The following CDH13 variants were observed in gnomAD, a reference collection of about 807,000 sequenced individuals.
The protein encoded by CDH13 is cadherin 13.
CDH13 carries 24 observed loss-of-function variants against 63.8 expected under a neutral mutation model. That is an observed-to-expected ratio of 0.38 (90% CI 0.27 to 0.53). The LOEUF (loss-of-function observed/expected upper bound fraction) is 0.53. CDH13 is among the 20% of genes least tolerant of loss of function. The probability of loss-of-function intolerance (pLI) is 0.85; values close to 1 mark genes in which losing one functional copy is unlikely to be tolerated. For synonymous variants in CDH13, 503 were observed against 355.3 expected, an observed-to-expected ratio of 1.42 and a Z score of -4.67; for missense variants, 1,049 against 903.1, an observed-to-expected ratio of 1.16 and a Z score of -2.07.
At chr16:83,229,099 G>C (rs555509654) in intron 5 of CDH13, among the ~76,000 whole-genome samples, 31 of 152,310 alleles carry the variant, frequency 2.0e-4, no homozygotes, top group Non-Finnish European at 4.0e-4. Flanking sequence ...GGCAGGATAA[G>C]GTGCTTGGAT....
intron 5 of CDH13, among the ~76,000 whole-genome samples, chr16:83,344,323 A>G (rs2090790898): frequency 6.6e-6 from 1 of 152,180 alleles, no homozygotes; most frequent in Non-Finnish European, 1.5e-5. Flanking sequence ...GAAATTGTAA[A>G]CAGCCTGGTG....
intron 3 of CDH13, among the ~76,000 whole-genome samples, chr16:83,094,425 C>T (rs563347734): frequency 1.3e-5 from 2 of 152,304 alleles, no homozygotes; most frequent in South Asian, 4.2e-4. Context: ...CAACAGAGAT[C>T]TCAACTGACC....
At chr16:82,786,783 C>G (rs1212765978) in intron 1 of CDH13, among the ~76,000 whole-genome samples, 3 of 151,870 alleles carry the variant, frequency 2.0e-5, no homozygotes, top group East Asian at 1.9e-4. Flanking sequence ...CAATCGTTTG[C>G]TCAGAATGAT....
chr16:82,717,910 A>G (rs2032496960), intron 1 of CDH13, among the ~76,000 whole-genome samples: 1 of 152,212 alleles, frequency 6.6e-6, no homozygotes, highest in Non-Finnish European at 1.5e-5. Context: ...ATGTGTCATC[A>G]CAAACCAAGA....
chr16:83,311,186 A>G (rs946877517), intron 5 of CDH13, among the ~76,000 whole-genome samples: 3 of 152,246 alleles, frequency 2.0e-5, no homozygotes, highest in Non-Finnish European at 4.4e-5. Context: ...ATGAATCAGT[A>G]GAGCTTAAAA....
intron 1 of CDH13, among the ~76,000 whole-genome samples, chr16:82,770,742 C>T (rs1202258808): frequency 3.3e-5 from 5 of 152,180 alleles, no homozygotes; most frequent in Non-Finnish European, 7.3e-5. Flanking sequence ...GAGTCTCAGT[C>T]TGTTGCCCAA....
At chr16:83,069,154 G>C (rs896274003) in intron 3 of CDH13, among the ~76,000 whole-genome samples, 1 of 152,074 alleles carries the variant, frequency 6.6e-6, no homozygotes, top group African/African-American at 2.4e-5. Context: ...TTATTTGTTT[G>C]CATCTTGAAT....
chr16:83,142,230 A>G (rs1044790680), intron 4 of CDH13, among the ~76,000 whole-genome samples: 4 of 142,006 alleles, frequency 2.8e-5, no homozygotes, highest in Admixed American at 7.8e-5. Flanking sequence ...GTGTAATCTC[A>G]GCTCACCACA....
intron 5 of CDH13, among the ~76,000 whole-genome samples, chr16:83,249,182 G>A (rs531339156): frequency 2.6e-5 from 4 of 152,300 alleles, no homozygotes; most frequent in South Asian, 2.1e-4. Context: ...GTCACACAGA[G>A]CCTGTTTCTC....
intron 5 of CDH13, among the ~76,000 whole-genome samples, chr16:83,249,741 G>C (rs1294775867): frequency 6.6e-6 from 1 of 152,150 alleles, no homozygotes. Flanking sequence ...CAATGCTACT[G>C]GTAACTGTGA....
intron 1 of CDH13, among the ~76,000 whole-genome samples, chr16:82,761,663 T>G (rs1255516763): frequency 6.6e-6 from 1 of 152,234 alleles, no homozygotes; most frequent in East Asian, 1.9e-4. Flanking sequence ...TTCCAAAAAA[T>G]ATTTTTCACT....
chr16:83,714,354 T>C (rs1272570214), intron 10 of CDH13, among the ~76,000 whole-genome samples: 2 of 152,204 alleles, frequency 1.3e-5, no homozygotes, highest in Admixed American at 1.3e-4. Context: ...CTCTCGGTCA[T>C]AGATAGCTGG....
intron 4 of CDH13, among the ~76,000 whole-genome samples, chr16:83,204,752 T>G (rs937376563): frequency 1.3e-5 from 2 of 152,202 alleles, no homozygotes; most frequent in African/African-American, 4.8e-5. Context: ...TTGATTAAGC[T>G]CCATGCCCTC....
At position 83,185,710 on chromosome 16, in the gene CDH13, C is replaced by T. The variant is rs188448126; in HGVS notation, c.484-31635C>T. Among the ~76,000 whole-genome samples the T allele has an allele frequency of 1.9e-4, 29 of 152,280 alleles. No individual in the cohort carries two copies. The East Asian group carries it at 2.5e-3, about 13-fold the overall frequency. ...GGAAATGTTCTGCAGGTTATCATAACGAGAACAGGAGTGATCTATGGAATA... is the reference window on the plus strand; with the variant it reads ...GGAAATGTTCTGCAGGTTATCATAATGAGAACAGGAGTGATCTATGGAATA... On this transcript the variant is annotated intron_variant, in intron 4 of 13. Transcript: ENST00000567109.
At chr16:83,370,369 C>T (rs1276773301) in intron 6 of CDH13, among the ~76,000 whole-genome samples, 1 of 144,832 alleles carries the variant, frequency 6.9e-6, no homozygotes, top group Non-Finnish European at 1.5e-5. Context: ...GCCTGGGTAA[C>T]ACAGCGAGAC....
chr16:83,181,041 A>C, intron 4 of CDH13: 1 of 1,495,358 alleles, frequency 6.7e-7, no homozygotes, highest in Non-Finnish European at 8.9e-7. Flanking sequence ...CGGTATTTCA[A>C]ATCCATTTTC....
chr16:82,810,391 GA>G (rs1308180615), intron 1 of CDH13, among the ~76,000 whole-genome samples: 1 of 152,126 alleles, frequency 6.6e-6, no homozygotes, highest in African/African-American at 2.4e-5. Context: ...ACAGCTACCA[GA>G]AAAGCACTGG....
chr16:82,977,082 T>C (rs548024688), intron 2 of CDH13, among the ~76,000 whole-genome samples: 1 of 152,304 alleles, frequency 6.6e-6, no homozygotes, highest in South Asian at 2.1e-4. Flanking sequence ...TAAATATACC[T>C]CTGGAATACA....
intron 6 of CDH13, among the ~76,000 whole-genome samples, chr16:83,419,180 A>G (rs1219605203): frequency 1.3e-5 from 2 of 152,154 alleles, no homozygotes; most frequent in East Asian, 1.9e-4. Context: ...GACCAGCTCC[A>G]TCCCTATCGT....
Sources: gnomAD v4.1 joint callset for allele counts (sites outside exome capture counted in the v4.1 genomes callset) on GRCh38, gnomAD v4.1.1 for gene constraint, MANE v1.5 for transcripts, NCBI Gene and HGNC (gene_info 2026-07-23, HGNC 2026-07-21) for gene names.